The following MTARC2 variants were observed in gnomAD, a reference collection of about 807,000 sequenced individuals.
MTARC2 encodes MOCO sulphurase C-terminal domain containing 2.
Under a neutral mutation model 35.6 loss-of-function variants are expected in MTARC2, and 27 were observed. The ratio of observed to expected loss-of-function variants is 0.76; its 90% confidence interval spans 0.56 to 1.04. The LOEUF (loss-of-function observed/expected upper bound fraction) is 1.04. Ranked by LOEUF, MTARC2 falls within the 50% of genes least tolerant of loss-of-function variation. MTARC2 has a pLI of 0.00. For synonymous variants in MTARC2, 158 were observed against 167.1 expected (o/e 0.95, Z 0.42); for missense variants, 412 against 432.5 (o/e 0.95, Z 0.42).
intron 1 of MTARC2, among the ~76,000 whole-genome samples, chr1:220,750,687 T>C (rs1396879113): frequency 6.6e-6 from 1 of 152,244 alleles, no homozygotes; most frequent in Non-Finnish European, 1.5e-5. Flanking sequence ...TCCTGTCGCA[T>C]AGATTAGCAT....
Position 220,774,340 on chromosome 1 carries a change from T to G in MTARC2, c.751-5678T>G, listed in dbSNP as rs413389. Among the ~76,000 whole-genome samples, 750 of 152,310 alleles carry G rather than the reference T, an allele frequency of 4.9e-3. 10 individuals are homozygous for G. The highest frequency in any genetic ancestry group is 0.017 in the African/African-American group (692 of 41,552). On this transcript the variant is annotated intron_variant, in intron 4 of 7. Transcript: ENST00000366913. ...ATTGCACATATGTCCCATGTATATT[T>G]AGCCAGTCTCCAGGAGGTGACTTGG...
At chr1:220,763,248 C>T (rs1490849889) in intron 4 of MTARC2, among the ~76,000 whole-genome samples, 198 bp downstream of exon 4, 2 of 152,090 alleles carry the variant, frequency 1.3e-5, no homozygotes, top group African/African-American at 2.4e-5. Flanking sequence ...GGGCGTTGCT[C>T]TCACCCGTTA....
chr1:220,773,508 G>A (rs112106017), intron 4 of MTARC2, among the ~76,000 whole-genome samples: 230 of 152,206 alleles, frequency 1.5e-3, no homozygotes, highest in African/African-American at 5.0e-3. Flanking sequence ...GGGGATTGTG[G>A]GTACCCTCAA....
In MTARC2 at chr1:220,762,942, C is replaced by T. The variant is rs202006158; in HGVS notation, c.642C>T (p.Ile214=). 8 of 1,614,176 alleles carry T rather than the reference C, an allele frequency of 5.0e-6. No individual in the cohort carries two copies. The highest frequency in any genetic ancestry group is 6.8e-6 in the Non-Finnish European group (8 of 1,180,026). Residue 214 remains isoleucine (I), a synonymous_variant, in exon 4 of 8, where the codon ATC becomes ATT. Coordinates refer to ENST00000366913, the MANE Select transcript of MTARC2 (RefSeq NM_017898.5). ...VAYPDYCPLL[I]MTDASLVDLN... is the part of the protein sequence containing the mutation. ...ACCCAGACTACTGCCCGCTCCTGAT[C>T]ATGACAGATGCCTCCCTGGTAGATT...
chr1:220,767,770 C>G (rs1671621431), intron 4 of MTARC2, among the ~76,000 whole-genome samples: 1 of 152,186 alleles, frequency 6.6e-6, no homozygotes, highest in South Asian at 2.1e-4. Flanking sequence ...AAGTGTTTCT[C>G]CAGGAAACTT....
intron 3 of MTARC2, 26 bp from the exon 4 acceptor site, chr1:220,762,884 C>G (rs1299308949): frequency 1.2e-6 from 2 of 1,613,324 alleles, no homozygotes; most frequent in African/African-American, 2.7e-5. Context: ...AGTGGTGGGG[C>G]CTGACTATCC....
At chr1:220,779,247 T>C (rs952764767) in intron 4 of MTARC2, among the ~76,000 whole-genome samples, 2 of 152,206 alleles carry the variant, frequency 1.3e-5, no homozygotes, top group African/African-American at 4.8e-5. Flanking sequence ...CTCATATATG[T>C]TTCTGTATAT....
rs12027068 is a variant in MTARC2, at chr1:220,781,585, T to C, written c.885-193T>C. Among the ~76,000 whole-genome samples, 839 of 152,386 alleles carry C rather than the reference T, an allele frequency of 5.5e-3. 6 individuals carry two copies. In the East Asian group the frequency reaches 0.056, roughly 10 times the overall value. On this transcript the variant is annotated intron_variant, in intron 6 of 7. Transcript: ENST00000366913. ...GAAGCCATGGAGAAATTGCGTAGAC[T>C]TTCAGGATACTTCTAGAAAAACTAG...
At chr1:220,764,563 G>T (rs1417910519) in intron 4 of MTARC2, among the ~76,000 whole-genome samples, 1 of 152,120 alleles carries the variant, frequency 6.6e-6, no homozygotes, top group Non-Finnish European at 1.5e-5. Context: ...GAAGCAGGAG[G>T]ATTGCTTGAG....
At position 220,761,702 on chromosome 1, in the gene MTARC2, C is replaced by T; in HGVS notation, c.491C>T (p.Ala164Val). 6.2e-7 allele frequency: 1 copy of T among 1,614,048 alleles called. No individual in the cohort carries two copies. Among genetic ancestry groups the T allele is most frequent in the Non-Finnish European group, 8.5e-7 (1 of 1,179,980 alleles). The change falls in exon 3 of 8, where the codon GCA becomes GTA. Residue 164 changes from alanine (A) to valine (V), a missense_variant. Coordinates refer to ENST00000366913, the MANE Select transcript of MTARC2 (RefSeq NM_017898.5). ...AAAGGCAGAGACTGTGGCAATGAGG[C>T]AGCTAAGTGGTTCACCAACTTCTTG... ...DIKGRDCGNE[A>V]AKWFTNFLKT...
At chr1:220,757,559 C>G (rs953903043) in intron 2 of MTARC2, among the ~76,000 whole-genome samples, 12 of 152,164 alleles carry the variant, frequency 7.9e-5, no homozygotes, top group Non-Finnish European at 1.5e-4. Flanking sequence ...GATGGGAAGT[C>G]TAAGATCGAG....
chr1:220,760,887 T>C (rs950413211), intron 2 of MTARC2, among the ~76,000 whole-genome samples: 1 of 152,234 alleles, frequency 6.6e-6, no homozygotes, highest in Non-Finnish European at 1.5e-5. Context: ...ATGGTGGATA[T>C]CAAACCAACA....
chr1:220,749,506 C>T (rs1465012449), intron 1 of MTARC2, among the ~76,000 whole-genome samples: 1 of 148,846 alleles, frequency 6.7e-6, no homozygotes, highest in East Asian at 2.0e-4. Flanking sequence ...TCTCAGCTCA[C>T]TGCAACCTCC....
At chr1:220,779,159 A>G (rs1198234652) in intron 4 of MTARC2, among the ~76,000 whole-genome samples, 1 of 152,198 alleles carries the variant, frequency 6.6e-6, no homozygotes, top group Non-Finnish European at 1.5e-5. Context: ...AATCCATATA[A>G]CCACCTTATA....
intron 4 of MTARC2, among the ~76,000 whole-genome samples, chr1:220,779,493 G>A (rs12026612): frequency 3.3e-5 from 5 of 152,278 alleles, no homozygotes; most frequent in East Asian, 1.9e-4. Flanking sequence ...TGGTTCCCAC[G>A]TTCAAGGGTG....
In MTARC2 at chr1:220,748,557, T is replaced by C; in HGVS notation, c.26T>C (p.Leu9Pro). 2 of 1,437,570 alleles carry C rather than the reference T, an allele frequency of 1.4e-6. No individual in the cohort carries two copies. The highest frequency in any genetic ancestry group is 1.8e-6 in the Non-Finnish European group (2 of 1,104,074). 89.1% of individuals were successfully genotyped at this position (1,437,570 alleles called of 1,614,324 possible). The change falls in exon 1 of 8, where the codon CTG becomes CCG. Residue 9 changes from leucine (L) to proline (P), a missense_variant. Coordinates refer to ENST00000366913, the MANE Select transcript of MTARC2 (RefSeq NM_017898.5). ...ATGGGCGCTTCCAGCTCCTCCGCGC[T>C]GGCCCGCCTCGGCCTCCCAGCCCGG... MGASSSSA[L>P]ARLGLPARPW...
intron 4 of MTARC2, among the ~76,000 whole-genome samples, chr1:220,767,517 G>A (rs544803228): frequency 1.3e-5 from 2 of 152,292 alleles, no homozygotes; most frequent in East Asian, 3.9e-4. Context: ...GGTCAGTGTG[G>A]TGTGCTTGAG....
chr1:220,762,340 C>T (rs189524670), intron 3 of MTARC2, among the ~76,000 whole-genome samples: 40 of 152,228 alleles, frequency 2.6e-4, no homozygotes, highest in African/African-American at 9.1e-4. Context: ...CCGACATGTA[C>T]GATGGTTTAT....
intron 1 of MTARC2, chr1:220,754,423 G>T (rs763515800): frequency 2.2e-6 from 1 of 456,326 alleles, no homozygotes; most frequent in South Asian, 1.5e-5. Context: ...TAGGACCCCC[G>T]CATGCCGCGG....
Sources: allele counts gnomAD v4.1 joint callset (sites outside exome capture counted in the v4.1 genomes callset), GRCh38; gene constraint gnomAD v4.1.1; transcripts MANE v1.5; gene names NCBI Gene and HGNC (gene_info 2026-07-23, HGNC 2026-07-21).